Variants in FRMD4A observed in about 807,000 individuals in gnomAD.
FRMD4A encodes the protein FERM domain containing 4A.
In FRMD4A, 29 loss-of-function variants were observed where a neutral mutation model predicts 129.1. The observed-to-expected ratio is 0.22, with a 90% confidence interval of 0.17 to 0.31. The LOEUF (loss-of-function observed/expected upper bound fraction) is 0.31. Among genes scored for constraint, FRMD4A ranks in the 10% least tolerant of loss-of-function variants. The pLI is 1.00. For synonymous variants in FRMD4A, 634 were observed against 571.6 expected (o/e 1.11, Z -1.56); for missense variants, 1,272 against 1,375.8 (o/e 0.92, Z 1.19).
At chr10:13,672,658 C>T (rs1480995408) in intron 16 of FRMD4A, among the ~76,000 whole-genome samples, 7 of 152,180 alleles carry the variant, frequency 4.6e-5, no homozygotes, top group African/African-American at 1.7e-4. Flanking sequence ...TAATTTAACA[C>T]TCTGCAGTGG....
At chr10:13,733,831 T>C (rs560861250) in intron 12 of FRMD4A, among the ~76,000 whole-genome samples, 1 of 152,352 alleles carries the variant, frequency 6.6e-6, no homozygotes, top group South Asian at 2.1e-4. Flanking sequence ...TGCCTCTGCA[T>C]CTCACCGTGA....
intron 2 of FRMD4A, among the ~76,000 whole-genome samples, chr10:14,038,155 T>C (rs1833591009): frequency 6.6e-6 from 1 of 152,088 alleles, no homozygotes; most frequent in Admixed American, 6.5e-5. Flanking sequence ...ACCCCGTCTC[T>C]AATAAAAATA....
At chr10:14,197,297 A>C (rs1187684040) in intron 2 of FRMD4A, among the ~76,000 whole-genome samples, 1 of 152,240 alleles carries the variant, frequency 6.6e-6, no homozygotes, top group Non-Finnish European at 1.5e-5. Context: ...GCAAAAGGAG[A>C]CAATATGAAT....
Position 13,970,292 on chromosome 10 carries a change from C to T in FRMD4A, c.46-111380G>A, listed in dbSNP as rs112036518. Among the ~76,000 whole-genome samples the T allele has an allele frequency of 4.6e-3, 674 of 145,518 alleles. 8 individuals carry two copies. Among genetic ancestry groups the T allele is most frequent in the African/African-American group, 0.018 (647 of 35,458 alleles). The stretch of plus-strand genomic sequence containing the variant: ...TCAGAAGCCATGTAAAGGGTCTACC[C>T]CCCGCCTGCCCAGGGGCAGGTGAAG... On this transcript the variant is annotated intron_variant, in intron 2 of 24. Transcript: ENST00000357447.
At chr10:14,316,339 C>G (rs1249793243) in intron 2 of FRMD4A, among the ~76,000 whole-genome samples, 1 of 151,914 alleles carries the variant, frequency 6.6e-6, no homozygotes, top group Non-Finnish European at 1.5e-5. Flanking sequence ...GAGTTCAGCC[C>G]CCTCTTGCTC....
At chr10:14,138,778 A>AAAAAGAAC (rs1452015607) in intron 2 of FRMD4A, among the ~76,000 whole-genome samples, 1 of 149,666 alleles carries the variant, frequency 6.7e-6, no homozygotes, top group Admixed American at 6.6e-5. Context: ...AAAAAAAGAA[A>AAAAAGAAC]AAAAGAACAG....
intron 3 of FRMD4A, among the ~76,000 whole-genome samples, chr10:13,837,882 G>C (rs1171734083): frequency 6.6e-6 from 1 of 152,072 alleles, no homozygotes; most frequent in Non-Finnish European, 1.5e-5. Context: ...CCTGCTTCCT[G>C]TTCTGATGAC....
intron 2 of FRMD4A, among the ~76,000 whole-genome samples, chr10:14,319,765 T>C (rs973276423): frequency 2.0e-5 from 3 of 152,110 alleles, no homozygotes; most frequent in African/African-American, 7.2e-5. Flanking sequence ...CCAAATCTAA[T>C]CCAGGACCTA....
chr10:13,659,354 C>T lies in FRMD4A; in HGVS notation c.2035G>A (p.Val679Ile), dbSNP rs2082440625. Residue 679 changes from valine to isoleucine, a missense_variant, in exon 21 of 25, where the codon GTC (valine) becomes ATC (isoleucine). Val to Ile is a conservative substitution (Grantham distance 29). Coordinates refer to ENST00000357447, the MANE Select transcript of FRMD4A (RefSeq NM_018027.5). ...GAATGGACGTAGTGGGGACTCCGGA[C>T]CCGCAGGTCTGGCGTGGACGGCATG... Reference protein sequence around the residue: ...SSMPSTPDLRVRSPHYVHSTR... With the variant: ...SSMPSTPDLRIRSPHYVHSTR... 3.7e-6 allele frequency: 6 copies of T among 1,614,148 alleles called. No individual in the cohort carries two copies. The highest frequency in any genetic ancestry group is 5.1e-6 in the Non-Finnish European group (6 of 1,179,970).
chr10:14,063,178 C>CT (rs60255943), intron 2 of FRMD4A, among the ~76,000 whole-genome samples: 140,308 of 149,732 alleles, frequency 0.94, 65,972 homozygotes, highest in South Asian at 0.99. Flanking sequence ...AATAAATCTG[C>CT]TTTTTTTTTT....
intron 12 of FRMD4A, among the ~76,000 whole-genome samples, chr10:13,725,185 C>A (rs2089798329): frequency 6.6e-6 from 1 of 152,216 alleles, no homozygotes; most frequent in Non-Finnish European, 1.5e-5. Flanking sequence ...CATCAACCGA[C>A]TTGTTAAGAA....
At chr10:14,191,279 A>G (rs1842308618) in intron 2 of FRMD4A, among the ~76,000 whole-genome samples, 1 of 152,196 alleles carries the variant, frequency 6.6e-6, no homozygotes, top group Admixed American at 6.5e-5. Context: ...TCCCAAACAG[A>G]AAGGGTCTTC....
rs141069249 is a variant in FRMD4A at position 14,230,470 on chromosome 10, G to A, written c.45+99588C>T. ...ATTGTGAGGATTATGAAGACCATGC[G>A]CATAAAGATCTTGGCCCCTGGTAGA... On this transcript the variant is annotated intron_variant, in intron 2 of 24. Transcript: ENST00000357447. Among the ~76,000 whole-genome samples the A allele has an allele frequency of 4.8e-3, 729 of 152,262 alleles. 10 individuals are homozygous for A. Among genetic ancestry groups the A allele is most frequent in the Non-Finnish European group, 7.1e-3 (480 of 68,032 alleles).
At chr10:13,817,486 T>C (rs2093563101) in intron 3 of FRMD4A, among the ~76,000 whole-genome samples, 1 of 152,254 alleles carries the variant, frequency 6.6e-6, no homozygotes. Flanking sequence ...ATGGTTTGGC[T>C]GTGTCCCCAT....
intron 15 of FRMD4A, chr10:13,684,290 T>A: frequency 2.0e-6 from 2 of 982,264 alleles, no homozygotes; most frequent in Non-Finnish European, 2.4e-6. Flanking sequence ...ACAATTCCCA[T>A]CCAAGCAGAG....
Position 14,226,352 on chromosome 10 carries a change from C to T in FRMD4A, c.45+103706G>A, listed in dbSNP as rs75645584. On this transcript the variant is annotated intron_variant, in intron 2 of 24. Transcript: ENST00000357447. ...ACTGTACCTCTCTCCTTGGAGATCA[C>T]GCAGACACCCAAAGTTGACATGTTA... is the stretch of plus-strand genomic sequence containing the variant. Among the ~76,000 whole-genome samples the T allele has an allele frequency of 9.7e-3, 1,476 of 152,242 alleles. 30 individuals carry two copies. Among genetic ancestry groups the T allele is most frequent in the African/African-American group, 0.034 (1,418 of 41,536 alleles).
intron 6 of FRMD4A, among the ~76,000 whole-genome samples, chr10:13,773,794 C>T (rs1035463010): frequency 5.9e-5 from 9 of 152,188 alleles, no homozygotes; most frequent in African/African-American, 1.9e-4. Flanking sequence ...GGTCCACATT[C>T]CCTGACTCGC....
intron 14 of FRMD4A, among the ~76,000 whole-genome samples, chr10:13,700,318 A>G (rs990118439): frequency 6.6e-6 from 1 of 152,108 alleles, no homozygotes; most frequent in Non-Finnish European, 1.5e-5. Context: ...TTCCCCAGAA[A>G]AAGAGAAACC....
chr10:14,225,214 T>C (rs943584153), intron 2 of FRMD4A, among the ~76,000 whole-genome samples: 2 of 152,212 alleles, frequency 1.3e-5, no homozygotes, highest in African/African-American at 4.8e-5. Context: ...AATCATCATT[T>C]TGAACATATT....
Sources: gnomAD v4.1 joint callset for allele counts (sites outside exome capture counted in the v4.1 genomes callset) on GRCh38, gnomAD v4.1.1 for gene constraint, MANE v1.5 for transcripts, NCBI Gene and HGNC (gene_info 2026-07-23, HGNC 2026-07-21) for gene names.